Variants in CAPN14 observed in about 807,000 individuals in gnomAD.
CAPN14 encodes the protein calpain 14, also known as calpain-14.
In CAPN14, 94 loss-of-function variants were observed where a neutral mutation model predicts 101.3. That is an observed-to-expected ratio of 0.93 (90% CI 0.79 to 1.10). The LOEUF is 1.10. Ranked by LOEUF, CAPN14 falls within the 50% of genes least tolerant of loss-of-function variation. CAPN14 has a pLI of 0.00. For synonymous variants in CAPN14, 338 were observed against 317.9 expected (o/e 1.06, Z -0.67); for missense variants, 837 against 828.4 (o/e 1.01, Z -0.13).
In CAPN14 at chr2:31,195,837, C is replaced by T. The variant is rs73921582; in HGVS notation, c.876-1354G>A. Among the ~76,000 whole-genome samples the T allele has an allele frequency of 3.6e-3, 541 of 152,032 alleles. 2 individuals carry two copies. The highest frequency in any genetic ancestry group is 0.012 in the African/African-American group (510 of 41,484). On this transcript the variant is annotated intron_variant, in intron 8 of 21. Transcript: ENST00000403897. ...AAGTCCAATATTCTTTAAAGAAATA[C>T]AATAAAATTCAGTACTCTGAAACTA...
rs571903933 is a variant in CAPN14, at chr2:31,199,907, C to T, written c.727-375G>A. Among the ~76,000 whole-genome samples the T allele has an allele frequency of 1.2e-4, 18 of 152,330 alleles. No individual in the cohort carries two copies. The South Asian group carries it at 3.7e-3, about 32-fold the overall frequency. On this transcript the variant is annotated intron_variant, in intron 6 of 21. Transcript: ENST00000403897. ...GAAGTGGAAAGTGCCTTGCATGTAG[C>T]TGGCACTTAATAATTGTTAGCTTCC...
intron 9 of CAPN14, among the ~76,000 whole-genome samples, chr2:31,194,021 T>G: frequency 6.6e-6 from 1 of 152,146 alleles, no homozygotes; most frequent in East Asian, 1.9e-4. Context: ...GCAGTGTTAC[T>G]CTGCTCTGGA....
chr2:31,185,441 C>T (rs1680855380), intron 16 of CAPN14, among the ~76,000 whole-genome samples: 1 of 152,180 alleles, frequency 6.6e-6, no homozygotes, highest in South Asian at 2.1e-4. Context: ...ATCTAGAACC[C>T]TCTCATAGGA....
Position 31,230,075 on chromosome 2 carries a change from T to C in CAPN14, c.-176-3424A>G, listed in dbSNP as rs1052244596. The stretch of plus-strand genomic sequence containing the variant: ...TTCGGGGGTACATGTGAAGGTTTGT[T>C]ATATAGGTAAACTAGTGTCATGGAG... On this transcript the variant is annotated intron_variant and NMD_transcript_variant, in intron 1 of 21. Coordinates refer to the CAPN14 transcript ENST00000398824. This position sits in a 1 kb window ranked among gnomAD's most constrained non-coding sequence, Gnocchi z 4.3. 6.6e-6 allele frequency among the ~76,000 whole-genome samples: 1 copy of C among 152,220 alleles called. No homozygotes were observed.
intron 8 of CAPN14, 36 bp from the exon 9 acceptor site, chr2:31,194,519 A>C: frequency 7.0e-7 from 1 of 1,435,586 alleles, no homozygotes; most frequent in Non-Finnish European, 9.6e-7. Context: ...GCTTGTGGGG[A>C]GCATGCTAGA....
chr2:31,215,897 C>T lies in CAPN14; in HGVS notation c.-53+1559G>A, dbSNP rs575592511. ...TTTGACAGTAAATACTATAGCTAAA[C>T]ACATACAAACTATATGATACAATTC... On this transcript the variant is annotated intron_variant, in intron 1 of 21. Coordinates refer to ENST00000403897, the MANE Select transcript of CAPN14 (RefSeq NM_001145122.2). Among the ~76,000 whole-genome samples, 24 of 146,880 alleles carry T rather than the reference C, an allele frequency of 1.6e-4. No homozygotes were observed. The South Asian group carries it at 3.1e-3, about 19-fold the overall frequency.
intron 3 of CAPN14, 81 bp from the exon 4 acceptor site, chr2:31,202,333 C>T: frequency 2.9e-6 from 3 of 1,045,098 alleles, no homozygotes; most frequent in Middle Eastern, 2.6e-4. Context: ...CCAATGGCCA[C>T]CCTCTCTGGG....
chr2:31,174,691 A>C lies in CAPN14; in HGVS notation c.2045T>G (p.Leu682Arg). ...TGAGACTCAGCCTTCTCAGGAGTAC[A>C]GTGCCATCATCATCCACTGGACATG... is the stretch of plus-strand genomic sequence containing the variant. Reference protein sequence around the residue: ...LQKPEWMMMALYS With the variant: ...LQKPEWMMMARYS Residue 682 changes from leucine (L) to arginine (R), a missense_variant, in exon 22 of 22, where the codon CTG becomes CGG. Transcript: ENST00000403897. The C allele has an allele frequency of 1.3e-6, 2 of 1,551,632 alleles. No homozygotes were observed. Among genetic ancestry groups the C allele is most frequent in the Non-Finnish European group, 8.7e-7 (1 of 1,146,980 alleles).
At position 31,193,100 on chromosome 2, in the gene CAPN14, C is replaced by A. The variant is rs72797141; in HGVS notation, c.1114+31G>T. ...TGACACCCCCGCCCACAACCTCACC[C>A]TGAGAGCCCTGCTCCTGTGCACATG... On this transcript the variant is annotated intron_variant, in intron 10 of 21. Transcript: ENST00000403897. 233 of 1,535,380 alleles carry A rather than the reference C, an allele frequency of 1.5e-4. 2 individuals are homozygous for A. The African/African-American group carries it at 2.5e-3, about 16-fold the overall frequency.
chr2:31,205,641 G>C (rs1682034504), intron 1 of CAPN14, 142 bp from the exon 2 acceptor site: 1 of 617,104 alleles, frequency 1.6e-6, no homozygotes, highest in Non-Finnish European at 2.9e-6. Flanking sequence ...GTTCGATTTT[G>C]TCCCAGAGAG....
At chr2:31,207,144 T>A (rs1002926319) in intron 1 of CAPN14, among the ~76,000 whole-genome samples, 2 of 152,104 alleles carry the variant, frequency 1.3e-5, no homozygotes, top group Non-Finnish European at 2.9e-5. Flanking sequence ...CTCGCAAATG[T>A]GCTTATACTG....
At chr2:31,211,632 T>C (rs77848397) in intron 1 of CAPN14, among the ~76,000 whole-genome samples, 4,930 of 150,918 alleles carry the variant, frequency 0.033, 109 homozygotes, top group African/African-American at 0.049. Flanking sequence ...TGTATATAGA[T>C]CATGGCCCCA....
At position 31,206,021 on chromosome 2, in the gene CAPN14, A is replaced by ATTTTTTTTTTTTTTTTTTTTTTTTTTT. The variant is rs200116287; in HGVS notation, c.-52-523_-52-522insAAAAAAAAAAAAAAAAAAAAAAAAAAA. Among the ~76,000 whole-genome samples, 5 of 108,752 alleles carry ATTTTTTTTTTTTTTTTTTTTTTTTTTT rather than the reference A, an allele frequency of 4.6e-5. 1 individual carries two copies. The highest frequency in any genetic ancestry group is 6.6e-4 in the East Asian group (2 of 3,008). The allele number at this position is 108,752 out of a possible 152,430, so 71.3% of individuals were successfully genotyped here. A position where few individuals can be genotyped will look rare whatever the true frequency, so the allele number is the denominator to read the frequency against. On this transcript the variant is annotated intron_variant, in intron 1 of 21. Transcript: ENST00000403897. ...CAAAACCTCCTCCTACATTATCTTT[A>ATTTTTTTTTTTTTTTTTTTTTTTTTTT]TTTTTTTTATTTATTTATTTTTTTT...
In CAPN14 at chr2:31,194,432, C is replaced by G; in HGVS notation, c.927G>C (p.Arg309Ser). 6.4e-7 allele frequency: 1 copy of G among 1,551,492 alleles called. No homozygotes were observed. ...ACCAGAATTCTCCGTCATTGTCTTT[C>G]CTCAGAAGCAGAATCTTCTCCTTGG... The part of the protein sequence containing the change: ...LSPKEKILLL[R>S]KDNDGEFWMT... Residue 309 changes from arginine to serine, a missense_variant, in exon 9 of 22, where the codon AGG (arginine) becomes AGC (serine). Coordinates refer to ENST00000403897, the MANE Select transcript of CAPN14 (RefSeq NM_001145122.2).
Position 31,191,901 on chromosome 2 carries a change from G to A in CAPN14, c.1278+34C>T, listed in dbSNP as rs549516738. The A allele has an allele frequency of 4.3e-5, 65 of 1,513,694 alleles. No individual in the cohort carries two copies. The African/African-American group carries it at 8.2e-4, about 19-fold the overall frequency. 93.8% of individuals were successfully genotyped at this position (1,513,694 alleles called of 1,614,324 possible). A position where few individuals can be genotyped will look rare whatever the true frequency, so the allele number is the denominator to read the frequency against. ...TAACTGTTGGTGACCCCCACGCTTG[G>A]TCCCATGCCCCTGTGGTTCAGAGGT... On this transcript the variant is annotated intron_variant, in intron 11 of 21. Transcript: ENST00000403897.
At chr2:31,229,636 G>A (rs1334200384) in intron 1 of CAPN14, among the ~76,000 whole-genome samples, 3 of 142,232 alleles carry the variant, frequency 2.1e-5, no homozygotes, top group Admixed American at 7.4e-5. Context: ...CCAAGATGGC[G>A]CCACTGCACT....
At chr2:31,177,878 G>A in intron 18 of CAPN14, 57 bp from the exon 19 acceptor site, 3 of 1,315,014 alleles carry the variant, frequency 2.3e-6, no homozygotes, top group Non-Finnish European at 2.1e-6. Flanking sequence ...CACCATCTGA[G>A]AGCCCTGTGT....
chr2:31,175,860 C>A (rs761487985), intron 21 of CAPN14, among the ~76,000 whole-genome samples: 2 of 152,190 alleles, frequency 1.3e-5, no homozygotes, highest in Non-Finnish European at 2.9e-5. Flanking sequence ...AGTCCAATGT[C>A]CTTGCAATGA....
chr2:31,218,909 AT>A (rs752660480), upstream of CAPN14, among the ~76,000 whole-genome samples: 28 of 152,280 alleles, frequency 1.8e-4, no homozygotes, highest in Non-Finnish European at 2.9e-4. Flanking sequence ...CCTTCCTCGC[AT>A]GGGTCTGAAG....
Sources: gnomAD v4.1 joint callset for allele counts (sites outside exome capture counted in the v4.1 genomes callset) on GRCh38, gnomAD v4.1.1 for gene constraint, Gnocchi (gnomAD v3.1) non-coding constraint, MANE v1.5 for transcripts, NCBI Gene and HGNC (gene_info 2026-07-23, HGNC 2026-07-21) for gene names.